The following CERK variants were observed in gnomAD, a reference collection of about 807,000 sequenced individuals.
CERK encodes ceramide kinase.
A neutral mutation model predicts 63.4 loss-of-function variants in CERK; 39 were observed. That is an observed-to-expected ratio of 0.61 (90% CI 0.48 to 0.80). The LOEUF is 0.80. Ranked by LOEUF, CERK falls within the 30% of genes least tolerant of loss-of-function variation. CERK has a pLI of 0.00. For missense variants in CERK, 670 were observed against 714.1 expected (o/e 0.94, Z 0.70); for synonymous variants, 302 against 280.0 (o/e 1.08, Z -0.78).
rs999222014 is a variant in CERK, at chr22:46,686,447, C to T, written c.*687G>A. The T allele has an allele frequency of 6.6e-6, 1 of 152,486 alleles. No homozygotes were observed. The highest frequency in any genetic ancestry group is 1.5e-5 in the Non-Finnish European group (1 of 68,226). 9.4% of individuals were successfully genotyped at this position (152,486 alleles called of 1,614,324 possible). On this transcript the variant is annotated 3_prime_UTR_variant, in exon 13 of 13. Coordinates refer to ENST00000216264, the MANE Select transcript of CERK (RefSeq NM_022766.6). Reference sequence around the variant, plus strand: ...ACTGCCAGCTTCCAGAGCTTATCATCCGTGCTCCCAGAACAGACGCCAAGG... The same window carrying T: ...ACTGCCAGCTTCCAGAGCTTATCATTCGTGCTCCCAGAACAGACGCCAAGG...
At chr22:46,720,483 T>C (rs1308846800) in intron 2 of CERK, among the ~76,000 whole-genome samples, 1 of 152,026 alleles carries the variant, frequency 6.6e-6, no homozygotes, top group Non-Finnish European at 1.5e-5. Context: ...TCACCTGAGG[T>C]CAGGAGTTCA....
intron 3 of CERK, among the ~76,000 whole-genome samples, chr22:46,717,906 C>G (rs1254464618): frequency 8.7e-6 from 1 of 114,498 alleles, no homozygotes; most frequent in East Asian, 2.1e-4. Flanking sequence ...CACGGCGAAA[C>G]TCTGTCTCTA....
chr22:46,693,550 G>A (rs1397538473), intron 9 of CERK, 47 bp from the exon 10 acceptor site: 2 of 1,469,184 alleles, frequency 1.4e-6, no homozygotes, highest in Non-Finnish European at 1.9e-6. Flanking sequence ...AGCTGCAGGT[G>A]CAGTGCGTAT....
chr22:46,732,214 G>A (rs912971875), intron 1 of CERK, among the ~76,000 whole-genome samples: 3 of 152,038 alleles, frequency 2.0e-5, no homozygotes, highest in African/African-American at 2.4e-5. Context: ...CCGAGTAGCT[G>A]GAGCTTGTAT....
At chr22:46,732,383 A>G in intron 1 of CERK, among the ~76,000 whole-genome samples, 1 of 148,620 alleles carries the variant, frequency 6.7e-6, no homozygotes, top group South Asian at 2.3e-4. Flanking sequence ...CATTTCTCAT[A>G]GAAAACGCTG....
chr22:46,712,969 T>C lies in CERK; in HGVS notation c.380-676A>G, dbSNP rs530893632. The stretch of plus-strand genomic sequence containing the variant: ...ATGCCATCCTCCTGCCTCAGCCTCC[T>C]GAGTAGCTGGGACTACAGGCGCCCG... On this transcript the variant is annotated intron_variant, in intron 3 of 12. Transcript: ENST00000216264. 3.2e-3 allele frequency among the ~76,000 whole-genome samples: 490 copies of C among 151,636 alleles called. 2 individuals are homozygous for C. Among genetic ancestry groups the C allele is most frequent in the African/African-American group, 0.011 (463 of 41,374 alleles).
At position 46,707,830 on chromosome 22, in the gene CERK, G is replaced by T; in HGVS notation, c.715+13C>A. Reference sequence around the variant, plus strand: ...GAACGAAGAGAACAGAGAATGCCAGGCCGGCTCCATACCTGCGGGAATGAT... The same window carrying T: ...GAACGAAGAGAACAGAGAATGCCAGTCCGGCTCCATACCTGCGGGAATGAT... On this transcript the variant is annotated intron_variant, in intron 6 of 12. Coordinates refer to ENST00000216264, the MANE Select transcript of CERK (RefSeq NM_022766.6). 6.3e-7 allele frequency: 1 copy of T among 1,598,330 alleles called. No homozygotes were observed. Among genetic ancestry groups the T allele is most frequent in the Non-Finnish European group, 8.6e-7 (1 of 1,169,240 alleles).
At chr22:46,724,805 G>A (rs1569329166) in intron 1 of CERK, among the ~76,000 whole-genome samples, 2 of 152,124 alleles carry the variant, frequency 1.3e-5, no homozygotes, top group African/African-American at 4.8e-5. Flanking sequence ...GGATCACGAG[G>A]TCAGGAGATC....
At chr22:46,694,092 G>T (rs2082744528) in intron 9 of CERK, among the ~76,000 whole-genome samples, 1 of 152,044 alleles carries the variant, frequency 6.6e-6, no homozygotes, top group South Asian at 2.1e-4. Flanking sequence ...TACATATTCT[G>T]ATTTTATGGT....
intron 1 of CERK, among the ~76,000 whole-genome samples, chr22:46,728,126 G>C (rs1187096483): frequency 6.6e-6 from 1 of 152,138 alleles, no homozygotes; most frequent in Non-Finnish European, 1.5e-5. Flanking sequence ...GACACCCGCA[G>C]AACTGAAGTC....
At chr22:46,706,474 G>A (rs1373852650) in intron 6 of CERK, among the ~76,000 whole-genome samples, 1 of 152,110 alleles carries the variant, frequency 6.6e-6, no homozygotes, top group East Asian at 1.9e-4. Context: ...GGTGCTGAGA[G>A]CTTTTTCTCT....
chr22:46,715,505 G>A (rs936389133), intron 3 of CERK, among the ~76,000 whole-genome samples: 1 of 152,110 alleles, frequency 6.6e-6, no homozygotes, highest in Non-Finnish European at 1.5e-5. Flanking sequence ...ATGCCACAGG[G>A]TCAAGCAGAT....
intron 6 of CERK, among the ~76,000 whole-genome samples, chr22:46,703,680 C>A (rs766800385): frequency 2.6e-5 from 4 of 152,188 alleles, no homozygotes; most frequent in Non-Finnish European, 5.9e-5. Flanking sequence ...CCATGCAGCG[C>A]CCTTACCGTC....
At chr22:46,728,053 C>A (rs933785371) in intron 1 of CERK, among the ~76,000 whole-genome samples, 1 of 152,156 alleles carries the variant, frequency 6.6e-6, no homozygotes, top group African/African-American at 2.4e-5. Context: ...GAATTACACA[C>A]CTGCGCAGCC....
At chr22:46,713,725 G>A (rs2082854580) in intron 3 of CERK, among the ~76,000 whole-genome samples, 2 of 152,134 alleles carry the variant, frequency 1.3e-5, no homozygotes, top group East Asian at 1.9e-4. Context: ...AAAACAGTAT[G>A]CAGAGAGACT....
chr22:46,691,673 C>T lies in CERK; in HGVS notation c.1231G>A (p.Ala411Thr), dbSNP rs2082732335. The T allele has an allele frequency of 6.2e-7, 1 of 1,613,938 alleles. No individual in the cohort carries two copies. Among genetic ancestry groups the T allele is most frequent in the Non-Finnish European group, 8.5e-7 (1 of 1,179,936 alleles). ...RRSPRGLSPA[A>T]HLGDGSSDLI... ...TCAGAAGACCCGTCTCCCAAGTGGG[C>T]AGCCGGGGAGAGGCCCCTGGGGCTC... Residue 411 changes from alanine to threonine, a missense_variant, in exon 11 of 13, where the codon GCC becomes ACC. Ala to Thr is a moderately conservative substitution (Grantham distance 58). Coordinates refer to ENST00000216264, the MANE Select transcript of CERK (RefSeq NM_022766.6).
At chr22:46,701,441 G>A (rs1247875394) in intron 7 of CERK, among the ~76,000 whole-genome samples, 195 bp downstream of exon 7, 4 of 152,282 alleles carry the variant, frequency 2.6e-5, no homozygotes, top group Non-Finnish European at 5.9e-5. Flanking sequence ...CAGGAAGCCC[G>A]TCCTGACAAC....
chr22:46,696,724 C>T (rs989607122), intron 8 of CERK, among the ~76,000 whole-genome samples: 2 of 152,264 alleles, frequency 1.3e-5, no homozygotes, highest in Non-Finnish European at 2.9e-5. Flanking sequence ...GCATCTCAGG[C>T]CCTGTGGCCA....
intron 6 of CERK, among the ~76,000 whole-genome samples, chr22:46,702,617 G>A (rs983594747): frequency 5.9e-5 from 9 of 152,196 alleles, no homozygotes; most frequent in Non-Finnish European, 1.2e-4. Context: ...AGCTGGATGC[G>A]GCAAAGGTCA....
Sources: allele counts gnomAD v4.1 joint callset (sites outside exome capture counted in the v4.1 genomes callset), GRCh38; gene constraint gnomAD v4.1.1; transcripts MANE v1.5; gene names NCBI Gene and HGNC (gene_info 2026-07-23, HGNC 2026-07-21).